The following PDSS1 variants were observed in gnomAD, a reference collection of about 807,000 sequenced individuals.
PDSS1 encodes the protein decaprenyl diphosphate synthase subunit 1.
PDSS1 carries 43 observed loss-of-function variants against 57.5 expected under a neutral mutation model. That is an observed-to-expected ratio of 0.75 (90% confidence interval 0.59 to 0.96). The LOEUF is 0.96. Among genes scored for constraint, PDSS1 ranks in the 50% least tolerant of loss-of-function variants. PDSS1 has a pLI of 0.00. For missense variants in PDSS1, 438 were observed against 527.8 expected (o/e 0.83, Z 1.67); for synonymous variants, 175 against 191.3 (o/e 0.91, Z 0.70).
At chr10:26,744,943 C>T (rs1836773443) in intron 11 of PDSS1, among the ~76,000 whole-genome samples, 2 of 151,842 alleles carry the variant, frequency 1.3e-5, no homozygotes, top group Admixed American at 1.3e-4. Context: ...GTGGGTGGAT[C>T]ACTTGAGGTC....
chr10:26,743,902 A>G lies in PDSS1; in HGVS notation c.1107+1325A>G, dbSNP rs578213057. 6.7e-5 allele frequency among the ~76,000 whole-genome samples: 10 copies of G among 149,824 alleles called. No homozygotes were observed. The South Asian group carries it at 1.1e-3, about 16-fold the overall frequency. ...AGAGTGGGACCAAAATAACAGGGGGAAAAAAAAACAGGAAAAACGTAAATA... is the reference window on the plus strand; with the variant it reads ...AGAGTGGGACCAAAATAACAGGGGGGAAAAAAAACAGGAAAAACGTAAATA... On this transcript the variant is annotated intron_variant, in intron 11 of 11. Coordinates refer to ENST00000376215, the MANE Select transcript of PDSS1 (RefSeq NM_014317.5).
At chr10:26,727,282 A>C (rs114766439) in intron 8 of PDSS1, among the ~76,000 whole-genome samples, 1 of 151,332 alleles carries the variant, frequency 6.6e-6, no homozygotes. Flanking sequence ...AGCTGAGTTG[A>C]GACTTGAACC....
At chr10:26,734,386 G>A (rs1268769025) in intron 8 of PDSS1, among the ~76,000 whole-genome samples, 8 of 152,180 alleles carry the variant, frequency 5.3e-5, no homozygotes, top group South Asian at 4.1e-4. Flanking sequence ...AACACAGACC[G>A]TCTCTCCCCT....
rs1474759437 is a variant in PDSS1, at chr10:26,711,644, G to A, written c.467+1876G>A. ...GTCCAGAGCAGAGTTCCGCAGCCTCGGGACTGTTGAAATTTTGGGCCACAT... is the reference window on the plus strand; with the variant it reads ...GTCCAGAGCAGAGTTCCGCAGCCTCAGGACTGTTGAAATTTTGGGCCACAT... On this transcript the variant is annotated intron_variant, in intron 5 of 11. Transcript: ENST00000376215. Among the ~76,000 whole-genome samples, 3 of 97,586 alleles carry A rather than the reference G, an allele frequency of 3.1e-5. 1 individual carries two copies. Among genetic ancestry groups the A allele is most frequent in the South Asian group, 5.5e-4 (2 of 3,650 alleles). The allele number at this position is 97,586 out of a possible 152,430, so 64.0% of individuals were successfully genotyped here.
intron 8 of PDSS1, among the ~76,000 whole-genome samples, chr10:26,731,580 AC>A (rs560187017): frequency 1.3e-5 from 2 of 152,272 alleles, no homozygotes; most frequent in South Asian, 4.1e-4. Flanking sequence ...TTTGTTAGGC[AC>A]CACCAGATTT....
In PDSS1 at chr10:26,697,805, T is replaced by C. The variant is rs1834912984; in HGVS notation, c.94T>C (p.Leu32=). Residue 32 remains leucine (L), a synonymous_variant, in exon 1 of 12, where the codon TTG becomes CTG. Coordinates refer to ENST00000376215, the MANE Select transcript of PDSS1 (RefSeq NM_014317.5). ...GPGSPGRAGP[L]GPSAAAEVRA... is the part of the protein sequence containing the mutation. ...CGGCTCCCCCGGCCGTGCGGGACCG[T>C]TGGGGCCGAGCGCCGCTGCCGAAGT... 4.5e-6 allele frequency: 6 copies of C among 1,343,198 alleles called. No homozygotes were observed. Among genetic ancestry groups the C allele is most frequent in the South Asian group, 1.9e-5 (1 of 53,032 alleles). 83.2% of individuals were successfully genotyped at this position (1,343,198 alleles called of 1,614,324 possible). A position where few individuals can be genotyped will look rare whatever the true frequency, so the allele number is the denominator to read the frequency against.
chr10:26,718,952 A>G (rs1835692203), intron 5 of PDSS1, among the ~76,000 whole-genome samples: 1 of 152,182 alleles, frequency 6.6e-6, no homozygotes, highest in African/African-American at 2.4e-5. Flanking sequence ...TAGTTAAATT[A>G]CAGCACCTTT....
intron 10 of PDSS1, chr10:26,740,799 C>T: frequency 2.5e-6 from 1 of 399,388 alleles, no homozygotes; most frequent in East Asian, 7.3e-5. Flanking sequence ...CTAAGGAAGT[C>T]ACTCGGCTGT....
chr10:26,719,640 T>C (rs1479794895), intron 5 of PDSS1, among the ~76,000 whole-genome samples: 1 of 152,098 alleles, frequency 6.6e-6, no homozygotes, highest in Non-Finnish European at 1.5e-5. Flanking sequence ...TGGTGGTGTA[T>C]GCCTGTAGTC....
At position 26,723,914 on chromosome 10, in the gene PDSS1, C is replaced by T. The variant is rs762651649; in HGVS notation, c.718C>T (p.Arg240Cys). 13 of 1,602,190 alleles carry T rather than the reference C, an allele frequency of 8.1e-6. No homozygotes were observed. The highest frequency in any genetic ancestry group is 1.1e-5 in the Non-Finnish European group (13 of 1,169,132). The change falls in exon 7 of 12, where the codon CGT becomes TGT. Residue 240 changes from arginine to cysteine, a missense_variant. Transcript: ENST00000376215. The stretch of plus-strand genomic sequence containing the variant: ...AACCCAAGTTATTGAAGATTTGGTG[C>T]GTGGTACGTTGATTCTGATTTTTCT... ...ILTQVIEDLVRGEFLQLGSKE... is the reference protein window; with the variant it reads ...ILTQVIEDLVCGEFLQLGSKE...
intron 4 of PDSS1, 43 bp from the exon 5 acceptor site, chr10:26,709,595 C>T: frequency 6.2e-7 from 1 of 1,601,484 alleles, no homozygotes. Flanking sequence ...GCTTTCTGTG[C>T]AGTTTTTTGA....
At chr10:26,709,957 C>T (rs943369130) in intron 5 of PDSS1, among the ~76,000 whole-genome samples, 189 bp downstream of exon 5, 2 of 151,994 alleles carry the variant, frequency 1.3e-5, no homozygotes, top group Non-Finnish European at 2.9e-5. Context: ...TTGAGACCAG[C>T]CTGGCCAACA....
At chr10:26,734,618 C>A (rs1361625463) in intron 8 of PDSS1, 1 of 454,082 alleles carries the variant, frequency 2.2e-6, no homozygotes, top group Non-Finnish European at 4.4e-6. Context: ...AACAGTGGGA[C>A]CAGTGAAGTT....
chr10:26,746,555 G>T lies in PDSS1; in HGVS notation c.*82G>T. The T allele has an allele frequency of 1.4e-6, 2 of 1,417,534 alleles. No individual in the cohort carries two copies. The highest frequency in any genetic ancestry group is 2.3e-5 in the South Asian group (2 of 86,728). 87.8% of individuals were successfully genotyped at this position (1,417,534 alleles called of 1,614,324 possible). ...GTGGAATACACTTTGTTTGCTTCATGTGCAGATAACCAAAAATCATTTTAA... is the reference window on the plus strand; with the variant it reads ...GTGGAATACACTTTGTTTGCTTCATTTGCAGATAACCAAAAATCATTTTAA... On this transcript the variant is annotated 3_prime_UTR_variant, in exon 12 of 12. Coordinates refer to ENST00000376215, the MANE Select transcript of PDSS1 (RefSeq NM_014317.5).
intron 10 of PDSS1, chr10:26,740,933 G>T: frequency 8.4e-6 from 2 of 237,798 alleles, no homozygotes; most frequent in South Asian, 5.2e-5. Flanking sequence ...GTAGAATATC[G>T]ATTTTACCTT....
At chr10:26,718,386 C>G (rs895851267) in intron 5 of PDSS1, among the ~76,000 whole-genome samples, 2 of 152,102 alleles carry the variant, frequency 1.3e-5, no homozygotes, top group African/African-American at 4.8e-5. Flanking sequence ...TCCCTACCCT[C>G]CACTGCTTTT....
intron 11 of PDSS1, 32 bp downstream of exon 11, chr10:26,742,609 G>A: frequency 7.2e-7 from 1 of 1,390,346 alleles, no homozygotes; most frequent in Non-Finnish European, 1.0e-6. Context: ...AAAGGCAGCA[G>A]CAGGAACAAC....
chr10:26,719,206 C>T (rs774556343), intron 5 of PDSS1, among the ~76,000 whole-genome samples: 12 of 152,024 alleles, frequency 7.9e-5, no homozygotes, highest in Non-Finnish European at 1.5e-4. Flanking sequence ...ATGGTTATTT[C>T]GCCAGTTTGA....
intron 2 of PDSS1, among the ~76,000 whole-genome samples, chr10:26,702,452 A>C (rs138714975): frequency 1.3e-5 from 2 of 152,258 alleles, no homozygotes; most frequent in East Asian, 3.9e-4. Flanking sequence ...GTTATAGCGA[A>C]TTCTTATGAG....
Sources: gnomAD v4.1 joint callset for allele counts (sites outside exome capture counted in the v4.1 genomes callset) on GRCh38, gnomAD v4.1.1 for gene constraint, MANE v1.5 for transcripts, NCBI Gene and HGNC (gene_info 2026-07-23, HGNC 2026-07-21) for gene names.